MFSD2B: variants seen among roughly 807,000 people sequenced by gnomAD.
MFSD2B encodes MFSD2 lysolipid transporter B, sphingolipid.
A neutral mutation model predicts 58.4 loss-of-function variants in MFSD2B; 56 were observed. The ratio of observed to expected loss-of-function variants is 0.96; its 90% CI spans 0.77 to 1.20. The LOEUF (loss-of-function observed/expected upper bound fraction) is 1.20. MFSD2B is among the 50% of genes most tolerant of loss of function. MFSD2B has a pLI of 0.00. For synonymous variants in MFSD2B, 287 were observed against 294.4 expected (o/e 0.97, Z 0.26); for missense variants, 645 against 667.6 (o/e 0.97, Z 0.37).
chr2:24,013,686 AC>A (rs1709036097), intron 2 of MFSD2B, among the ~76,000 whole-genome samples: 1 of 152,032 alleles, frequency 6.6e-6, no homozygotes, highest in South Asian at 2.1e-4. Flanking sequence ...AGCCTGTCCA[AC>A]CCGCGGCGGG....
Position 24,021,842 on chromosome 2 carries a change from G to C in MFSD2B, c.773-7G>C, listed in dbSNP as rs200363363. The C allele has an allele frequency of 6.2e-7, 1 of 1,613,864 alleles. No individual in the cohort carries two copies. Among genetic ancestry groups the C allele is most frequent in the African/African-American group, 1.3e-5 (1 of 75,048 alleles). ...CGAAGCCAAGGTGACACGCTTCTGC[G>C]TTGCAGACCCCTCTGCCCCAGCCTC... On this transcript the variant is annotated splice_region_variant and splice_polypyrimidine_tract_variant and intron_variant, in intron 7 of 13. Coordinates refer to ENST00000338315, the MANE Select transcript of MFSD2B (RefSeq NM_001346880.2). The surrounding 1 kb of genome is among the most constrained non-coding windows in gnomAD (Gnocchi z 5.7).
rs537781036 is a variant in MFSD2B, at chr2:24,020,604, G to C, written c.682-1044G>C. Among the ~76,000 whole-genome samples the C allele has an allele frequency of 7.4e-4, 112 of 152,274 alleles. No individual in the cohort carries two copies. The highest frequency in any genetic ancestry group is 1.4e-3 in the Non-Finnish European group (98 of 68,030). ...AGGCAGGGTCTTACTCTGCCACCCA[G>C]GCTGGAGTGCAATGGTGCAATCACA... On this transcript the variant is annotated intron_variant, in intron 6 of 13. Coordinates refer to ENST00000338315, the MANE Select transcript of MFSD2B (RefSeq NM_001346880.2). The surrounding 1 kb of genome is among the most constrained non-coding windows in gnomAD (Gnocchi z 4.1).
chr2:24,023,875 T>C lies in MFSD2B; in HGVS notation c.1313+149T>C. The C allele has an allele frequency of 9.1e-7, 1 of 1,101,220 alleles. No individual in the cohort carries two copies. The highest frequency in any genetic ancestry group is 2.4e-5 in the East Asian group (1 of 42,160). 68.2% of individuals were successfully genotyped at this position (1,101,220 alleles called of 1,614,324 possible). A position where few individuals can be genotyped will look rare whatever the true frequency, so the allele number is the denominator to read the frequency against. On this transcript the variant is annotated intron_variant, in intron 12 of 13. Transcript: ENST00000338315. This position sits in a 1 kb window ranked among gnomAD's most constrained non-coding sequence, Gnocchi z 5.0. ...GAGTGTGGGGAACCACTTCCCCAGG[T>C]TTCTCTGTGCATGAGACTGAGAGGG...
chr2:24,013,700 G>A (rs1025728063), intron 2 of MFSD2B, among the ~76,000 whole-genome samples: 1 of 151,904 alleles, frequency 6.6e-6, no homozygotes, highest in Non-Finnish European at 1.5e-5. Flanking sequence ...GCGGCGGGAC[G>A]GCTTTGAATG....
chr2:24,010,766 C>T (rs1361905421), intron 1 of MFSD2B, among the ~76,000 whole-genome samples: 1 of 152,154 alleles, frequency 6.6e-6, no homozygotes, highest in Non-Finnish European at 1.5e-5. Flanking sequence ...CTGTGCTGGA[C>T]GGAGCAAGGG....
Position 24,022,484 on chromosome 2 carries a change from G to T in MFSD2B, c.946G>T (p.Asp316Tyr). 1.9e-6 allele frequency: 3 copies of T among 1,613,286 alleles called. No homozygotes were observed. Among genetic ancestry groups the T allele is most frequent in the South Asian group, 1.1e-5 (1 of 90,760 alleles). The change falls in exon 9 of 14, where the codon GAC becomes TAC. Residue 316 changes from aspartate to tyrosine, a missense_variant. Asp to Tyr is a radical substitution (Grantham distance 160, BLOSUM62 -3). Transcript: ENST00000338315. This position sits in a 1 kb window ranked among gnomAD's most constrained non-coding sequence, Gnocchi z 4.5. Reference sequence around the variant, plus strand: ...CTGTACACATGCCTCCCAGCTACACGACCACGTCCAGGGCCTGGTACTAAC... The same window carrying T: ...CTGTACACATGCCTCCCAGCTACACTACCACGTCCAGGGCCTGGTACTAAC... Reference protein sequence around the residue: ...LFCTHASQLHDHVQGLVLTVL... With the variant: ...LFCTHASQLHYHVQGLVLTVL...
rs529705769 is a variant in MFSD2B at position 24,019,584 on chromosome 2, A to G, written c.681+1996A>G. Among the ~76,000 whole-genome samples the G allele has an allele frequency of 1.4e-3, 218 of 152,264 alleles. 1 individual carries two copies. The highest frequency in any genetic ancestry group is 2.5e-3 in the Non-Finnish European group (172 of 68,010). On this transcript the variant is annotated intron_variant, in intron 6 of 13. Transcript: ENST00000338315. Reference sequence around the variant, plus strand: ...CTAAAAATACAAAAATTAGCCGGGCATGGTGGCAGGCACCTGTAATCCCAG... The same window carrying G: ...CTAAAAATACAAAAATTAGCCGGGCGTGGTGGCAGGCACCTGTAATCCCAG...
Position 24,026,219 on chromosome 2 carries a change from G to C in MFSD2B, c.*763G>C, listed in dbSNP as rs927823340. ...ACAAATTTGGGTTTTCAAAACAAGC[G>C]TAACTGAACAGAGTATATATATGTA... On this transcript the variant is annotated 3_prime_UTR_variant, in exon 14 of 14. Transcript: ENST00000338315. 6.6e-6 allele frequency: 1 copy of C among 152,206 alleles called. No homozygotes were observed. Among genetic ancestry groups the C allele is most frequent in the Admixed American group, 6.5e-5 (1 of 15,270 alleles). The allele number at this position is 152,206 out of a possible 1,614,324, so 9.4% of individuals were successfully genotyped here.
chr2:24,015,438 C>T (rs891152790), intron 2 of MFSD2B, among the ~76,000 whole-genome samples: 2 of 152,052 alleles, frequency 1.3e-5, no homozygotes, highest in East Asian at 1.9e-4. Flanking sequence ...GGCAACAGAG[C>T]GAGGCCCTGT....
chr2:24,017,247 C>A lies in MFSD2B; in HGVS notation c.472-39C>A. 6.4e-7 allele frequency: 1 copy of A among 1,556,048 alleles called. No individual in the cohort carries two copies. Among genetic ancestry groups the A allele is most frequent in the Non-Finnish European group, 8.7e-7 (1 of 1,149,716 alleles). ...GGGGAGGTCGCCCGCTGTCACCAGG[C>A]AAAGCTGGGGGCGGTTCTAAGCTCT... On this transcript the variant is annotated intron_variant, in intron 4 of 13. Transcript: ENST00000338315. This position sits in a 1 kb window ranked among gnomAD's most constrained non-coding sequence, Gnocchi z 4.8.
chr2:24,010,159 GC>G lies in MFSD2B; in HGVS notation c.66del (p.Gly23AlafsTer34). 1 of 1,452,520 alleles carries G rather than the reference GC, an allele frequency of 6.9e-7. No individual in the cohort carries two copies. Among genetic ancestry groups the G allele is most frequent in the Non-Finnish European group, 9.0e-7 (1 of 1,107,614 alleles). 90.0% of individuals were successfully genotyped at this position (1,452,520 alleles called of 1,614,324 possible). A position where few individuals can be genotyped will look rare whatever the true frequency, so the allele number is the denominator to read the frequency against. ...SPQPEPHAPE[P>X]GPGSAKRGRE... ...CGCAGCCGGAGCCGCACGCCCCAGA[GC>G]CCGGCCCGGGGAGCGCCAAGCGAGG... On this transcript the variant is annotated frameshift_variant, in exon 1 of 14. Coordinates refer to ENST00000338315, the MANE Select transcript of MFSD2B (RefSeq NM_001346880.2). LOFTEE classifies it high-confidence loss of function.
At chr2:24,013,838 CTTTTTTTT>C (rs758336674) in intron 2 of MFSD2B, among the ~76,000 whole-genome samples, 4 of 110,624 alleles carry the variant, frequency 3.6e-5, no homozygotes, top group Non-Finnish European at 5.6e-5. Context: ...CAAGACGATT[CTTTTTTTT>C]TTTTTTTTTT....
rs542720514 is a variant in MFSD2B, at chr2:24,020,975, C to G, written c.682-673C>G. ...GCAGTACTGTGATCTCGGCTCACTG[C>G]AACCTCCATCTCCCCAGTTCAAGTG... On this transcript the variant is annotated intron_variant, in intron 6 of 13. Coordinates refer to ENST00000338315, the MANE Select transcript of MFSD2B (RefSeq NM_001346880.2). This position sits in a 1 kb window ranked among gnomAD's most constrained non-coding sequence, Gnocchi z 4.1. Among the ~76,000 whole-genome samples the G allele has an allele frequency of 1.1e-3, 165 of 152,262 alleles. No individual in the cohort carries two copies. Among genetic ancestry groups the G allele is most frequent in the Non-Finnish European group, 2.1e-3 (140 of 68,020 alleles).
rs775468094 is a variant in MFSD2B, at chr2:24,016,145, GTC to G, written c.223-9_223-8del. On this transcript the variant is annotated splice_polypyrimidine_tract_variant and intron_variant, in intron 2 of 13. Coordinates refer to ENST00000338315, the MANE Select transcript of MFSD2B (RefSeq NM_001346880.2). The stretch of plus-strand genomic sequence containing the variant: ...GCCTCAGCTCTCTATCCCCTCCCCT[GTC>G]TGTTTCAGATCCCTGCCGCCCAGGT... 8.1e-6 allele frequency: 13 copies of G among 1,612,998 alleles called. No individual in the cohort carries two copies. Among genetic ancestry groups the G allele is most frequent in the Admixed American group, 1.7e-5 (1 of 60,004 alleles).
At position 24,022,844 on chromosome 2, in the gene MFSD2B, C is replaced by T. The variant is rs201878806; in HGVS notation, c.1001C>T (p.Pro334Leu). 1,156 of 1,608,034 alleles carry T rather than the reference C, an allele frequency of 7.2e-4. 16 individuals carry two copies. The Admixed American group carries it at 0.019, about 26-fold the overall frequency. The change falls in exon 10 of 14, where the codon CCG becomes CTG. Residue 334 changes from proline (P) to leucine (L), a missense_variant. Coordinates refer to ENST00000338315, the MANE Select transcript of MFSD2B (RefSeq NM_001346880.2). The surrounding 1 kb of genome is among the most constrained non-coding windows in gnomAD (Gnocchi z 4.5). Reference protein sequence around the residue: ...TVLVSAVLSTPLWEWVLQRFG... With the variant: ...TVLVSAVLSTLLWEWVLQRFG... ...CAGGTCTCAGCCGTGCTGAGCACCC[C>T]GCTGTGGGAGTGGGTTCTCCAGCGC...
chr2:24,021,603 AG>A lies in MFSD2B; in HGVS notation c.682-41del. ...CTGCCCCTCCGGTGTCACCACCTCC[AG>A]GGGTTGAAGACATCACCCATCCCAG... is the stretch of plus-strand genomic sequence containing the variant. On this transcript the variant is annotated intron_variant, in intron 6 of 13. Transcript: ENST00000338315. The surrounding 1 kb of genome is among the most constrained non-coding windows in gnomAD (Gnocchi z 5.7). 6.5e-7 allele frequency: 1 copy of A among 1,546,218 alleles called. No individual in the cohort carries two copies. Among genetic ancestry groups the A allele is most frequent in the South Asian group, 1.2e-5 (1 of 86,106 alleles).
chr2:24,011,329 A>G (rs1303708357), intron 1 of MFSD2B, among the ~76,000 whole-genome samples: 2 of 152,260 alleles, frequency 1.3e-5, no homozygotes, highest in Non-Finnish European at 2.9e-5. Flanking sequence ...TTTGGGGGAT[A>G]CAAGAGTCCC....
rs749707035 is a variant in MFSD2B at position 24,013,455 on chromosome 2, G to A, written c.222+45G>A. On this transcript the variant is annotated intron_variant, in intron 2 of 13. Transcript: ENST00000338315. ...CAGTCTCTGCTGGCATCTTCCTTGGGGTCTGGTCCTTCCACCCCCACCTCT... is the reference window on the plus strand; with the variant it reads ...CAGTCTCTGCTGGCATCTTCCTTGGAGTCTGGTCCTTCCACCCCCACCTCT... The A allele has an allele frequency of 3.8e-5, 58 of 1,528,926 alleles. No homozygotes were observed. In the Middle Eastern group the frequency reaches 1.4e-3, roughly 37 times the overall value. The allele number at this position is 1,528,926 out of a possible 1,614,324, so 94.7% of individuals were successfully genotyped here.
rs867016392 is a variant in MFSD2B at position 24,025,359 on chromosome 2, G to A, written c.1491-73G>A. On this transcript the variant is annotated intron_variant, in intron 13 of 13. Coordinates refer to ENST00000338315, the MANE Select transcript of MFSD2B (RefSeq NM_001346880.2). ...ACAAGGAGCAGCCACCAAACCTTCC[G>A]CGGGCTTCTGCGGCAGGACAGAGGG... 25 of 1,417,930 alleles carry A rather than the reference G, an allele frequency of 1.8e-5. No homozygotes were observed. The African/African-American group carries it at 1.8e-4, about 10-fold the overall frequency. 87.8% of individuals were successfully genotyped at this position (1,417,930 alleles called of 1,614,324 possible).
Sources: allele counts gnomAD v4.1 joint callset (sites outside exome capture counted in the v4.1 genomes callset), GRCh38; gene constraint gnomAD v4.1.1; non-coding constraint Gnocchi (gnomAD v3.1); transcripts MANE v1.5; gene names NCBI Gene and HGNC (gene_info 2026-07-23, HGNC 2026-07-21).